Variants in EFHD1 observed in about 807,000 individuals in gnomAD.
EFHD1 encodes the protein EF-hand domain-containing protein D1.
A neutral mutation model predicts 17.2 loss-of-function variants in EFHD1; 10 were observed. That is an observed-to-expected ratio of 0.58 (90% CI 0.36 to 0.99). The LOEUF (loss-of-function observed/expected upper bound fraction) is 0.99. Ranked by LOEUF, EFHD1 falls within the 50% of genes least tolerant of loss-of-function variation. The pLI is 0.01. For missense variants in EFHD1, 310 were observed against 327.5 expected (o/e 0.95, Z 0.41); for synonymous variants, 153 against 142.0 (o/e 1.08, Z -0.55).
chr2:232,659,332 C>T (rs749328555), intron 1 of EFHD1, among the ~76,000 whole-genome samples: 14 of 151,976 alleles, frequency 9.2e-5, no homozygotes, highest in Non-Finnish European at 1.9e-4. Context: ...GAAGCACCCA[C>T]CAGAGGAAGG....
At chr2:232,641,827 C>T (rs370330923) in intron 1 of EFHD1, among the ~76,000 whole-genome samples, 3 of 152,338 alleles carry the variant, frequency 2.0e-5, no homozygotes, top group East Asian at 3.9e-4. Flanking sequence ...AGAGGGGACA[C>T]GGTGGAAGCC....
chr2:232,629,040 T>C (rs1447262742), upstream of EFHD1, among the ~76,000 whole-genome samples: 1 of 152,198 alleles, frequency 6.6e-6, no homozygotes, highest in Non-Finnish European at 1.5e-5. Flanking sequence ...GCACGGATCC[T>C]GGGACATGTG....
chr2:232,614,057 T>C (rs62191605), intron 1 of EFHD1, among the ~76,000 whole-genome samples: 1 of 149,890 alleles, frequency 6.7e-6, no homozygotes, highest in African/African-American at 2.5e-5. Context: ...CACACATACA[T>C]ACACATGCAC....
At chr2:232,678,310 G>A (rs1184097172) in intron 3 of EFHD1, among the ~76,000 whole-genome samples, 2 of 152,040 alleles carry the variant, frequency 1.3e-5, no homozygotes, top group African/African-American at 2.4e-5. Context: ...AAAATGGAAT[G>A]CAGTGATTAC....
upstream of EFHD1, among the ~76,000 whole-genome samples, chr2:232,631,106 A>C (rs1694192967): frequency 6.6e-6 from 1 of 152,034 alleles, no homozygotes; most frequent in Non-Finnish European, 1.5e-5. Context: ...GGGTGCCTGT[A>C]ATCCCAGCTA....
chr2:232,653,499 C>T (rs1252642855), intron 1 of EFHD1, among the ~76,000 whole-genome samples: 1 of 152,148 alleles, frequency 6.6e-6, no homozygotes, highest in Non-Finnish European at 1.5e-5. Flanking sequence ...CCACGTTGGC[C>T]AGGTGGTCTT....
chr2:232,656,668 C>T (rs997532694), intron 1 of EFHD1, among the ~76,000 whole-genome samples: 4 of 151,870 alleles, frequency 2.6e-5, no homozygotes, highest in African/African-American at 9.7e-5. Context: ...AACTCCTGGG[C>T]TCAAACAGTC....
At chr2:232,634,975 A>G (rs1420276980) in intron 1 of EFHD1, among the ~76,000 whole-genome samples, 1 of 120,994 alleles carries the variant, frequency 8.3e-6, no homozygotes, top group Non-Finnish European at 2.1e-5. Flanking sequence ...TGGAGGTTCT[A>G]TTTAAAGGCG....
intron 3 of EFHD1, among the ~76,000 whole-genome samples, chr2:232,672,814 T>C (rs1695103764): frequency 6.6e-6 from 1 of 152,200 alleles, no homozygotes; most frequent in South Asian, 2.1e-4. Context: ...TGTTTTAGTT[T>C]ATTCTGGAAG....
chr2:232,606,996 T>C (rs1018219650), intron 1 of EFHD1, among the ~76,000 whole-genome samples: 47 of 151,986 alleles, frequency 3.1e-4, no homozygotes, highest in Admixed American at 9.8e-4. Context: ...TTTTTTTTTT[T>C]CTTATTATGT....
At chr2:232,653,291 C>G (rs1169764007) in intron 1 of EFHD1, among the ~76,000 whole-genome samples, 1 of 151,964 alleles carries the variant, frequency 6.6e-6, no homozygotes, top group Non-Finnish European at 1.5e-5. Context: ...CTGTGCCCAG[C>G]TGGTTTTTTC....
At chr2:232,611,307 CGG>C (rs35359382) in intron 1 of EFHD1, among the ~76,000 whole-genome samples, 108,954 of 151,626 alleles carry the variant, frequency 0.72, 40,637 homozygotes, top group East Asian at 0.99. Flanking sequence ...TCCTGGGGGT[CGG>C]GGGGGGGGCA....
At chr2:232,651,053 TAAGG>T (rs967355689) in intron 1 of EFHD1, among the ~76,000 whole-genome samples, 21 of 152,036 alleles carry the variant, frequency 1.4e-4, no homozygotes, top group African/African-American at 4.6e-4. Context: ...TCATTTGAAA[TAAGG>T]AGGGAGGGAT....
At chr2:232,675,387 T>C (rs1469197848) in intron 3 of EFHD1, among the ~76,000 whole-genome samples, 1 of 152,160 alleles carries the variant, frequency 6.6e-6, no homozygotes, top group Non-Finnish European at 1.5e-5. Context: ...CTAGACGCTA[T>C]TGGACAGAGA....
Position 232,680,496 on chromosome 2 carries a change from G to A in EFHD1, c.586-1089G>A, listed in dbSNP as rs149670494. ...AAATATAGAACAATTGATTTAGTGA[G>A]CAACATAAAGGCATAATTGAATGAA... On this transcript the variant is annotated intron_variant, in intron 3 of 3. Transcript: ENST00000264059. Among the ~76,000 whole-genome samples the A allele has an allele frequency of 9.0e-3, 1,368 of 152,244 alleles. 20 individuals carry two copies. Among genetic ancestry groups the A allele is most frequent in the African/African-American group, 0.03 (1,238 of 41,516 alleles).
intron 1 of EFHD1, among the ~76,000 whole-genome samples, chr2:232,617,229 A>G (rs533489782): frequency 6.6e-6 from 1 of 152,334 alleles, no homozygotes; most frequent in Admixed American, 6.5e-5. Flanking sequence ...TTTATGACCT[A>G]GTCTCAGAAG....
rs61607311 is a variant in EFHD1, at chr2:232,677,207, TACACACACAC to T, written c.586-4353_586-4344del. ...GGGCAACATGGCAAGACCCCATCTC[TACACACACAC>T]ACACACACACACACACACACACACG... On this transcript the variant is annotated intron_variant, in intron 3 of 3. Coordinates refer to ENST00000264059, the MANE Select transcript of EFHD1 (RefSeq NM_025202.4). Among the ~76,000 whole-genome samples the T allele has an allele frequency of 9.6e-3, 1,254 of 131,246 alleles. 42 individuals carry two copies. The highest frequency in any genetic ancestry group is 0.055 in the Admixed American group (741 of 13,496). The allele number at this position is 131,246 out of a possible 152,430, so 86.1% of individuals were successfully genotyped here.
chr2:232,617,473 C>A (rs1693947730), intron 1 of EFHD1, among the ~76,000 whole-genome samples: 1 of 144,742 alleles, frequency 6.9e-6, no homozygotes, highest in African/African-American at 2.5e-5. Context: ...CACGGCGAAA[C>A]CCCGTCTTTA....
At chr2:232,630,259 T>A (rs1008228809), upstream of EFHD1, among the ~76,000 whole-genome samples, 1 of 152,158 alleles carries the variant, frequency 6.6e-6, no homozygotes, top group Admixed American at 6.5e-5. Context: ...CCAGCAAGCA[T>A]GTTTGAGTCT....
Sources: allele counts gnomAD v4.1 joint callset (sites outside exome capture counted in the v4.1 genomes callset), GRCh38; gene constraint gnomAD v4.1.1; transcripts MANE v1.5; gene names NCBI Gene and HGNC (gene_info 2026-07-23, HGNC 2026-07-21).